Variants in PTPRG observed in about 807,000 individuals in gnomAD.
The protein encoded by PTPRG is receptor-type tyrosine-protein phosphatase gamma.
In PTPRG, 102 loss-of-function variants were observed where a neutral mutation model predicts 165.3. The observed-to-expected ratio is 0.62, with a 90% CI of 0.53 to 0.73. PTPRG has a LOEUF of 0.73. PTPRG is among the 30% of genes least tolerant of loss of function. The probability of loss-of-function intolerance (pLI) is 0.00; values close to 1 mark genes in which losing one functional copy is unlikely to be tolerated. For missense variants in PTPRG, 1,866 were observed against 1,861.4 expected, an observed-to-expected ratio of 1.00 and a Z score of -0.05; for synonymous variants, 675 against 669.5, an observed-to-expected ratio of 1.01 and a Z score of -0.13.
intron 2 of PTPRG, among the ~76,000 whole-genome samples, chr3:61,911,938 C>G (rs1249766843): frequency 6.6e-6 from 1 of 152,156 alleles, no homozygotes; most frequent in Non-Finnish European, 1.5e-5. Flanking sequence ...GCATTTCTTT[C>G]ACTCCTGGTA....
chr3:61,587,000 T>G lies in PTPRG; in HGVS notation c.85+24628T>G, dbSNP rs1700449606. 3.3e-5 allele frequency among the ~76,000 whole-genome samples: 5 copies of G among 152,288 alleles called. No individual in the cohort carries two copies. The South Asian group carries it at 1.0e-3, about 32-fold the overall frequency. On this transcript the variant is annotated intron_variant, in intron 1 of 29. Transcript: ENST00000474889. ...AACAGGGGAGTCTGTGATGGCCCAT[T>G]GCAGGGGCCACTGTTACGGGGGATG... is the stretch of plus-strand genomic sequence containing the variant.
At chr3:61,748,799 C>G in intron 1 of PTPRG, 79 bp from the exon 2 acceptor site, 1 of 1,135,656 alleles carries the variant, frequency 8.8e-7, no homozygotes, top group East Asian at 2.4e-5. Flanking sequence ...CGAAGTCACC[C>G]AATGGTGTTC....
chr3:61,945,062 C>T lies in PTPRG; in HGVS notation c.191-44563C>T, dbSNP rs757903817. ...TCTTTGTCGTCTTTTCTCCACTCTG[C>T]TCTTCTGTGAAATGTGCCAGCAGTG... On this transcript the variant is annotated intron_variant, in intron 2 of 29. Transcript: ENST00000474889. 4.6e-5 allele frequency among the ~76,000 whole-genome samples: 7 copies of T among 152,188 alleles called. No individual in the cohort carries two copies. The East Asian group carries it at 1.2e-3, about 25-fold the overall frequency.
rs1273519088 is a variant in PTPRG at position 62,245,574 on chromosome 3, GA to G, written c.2467+1679del. 6.6e-6 allele frequency among the ~76,000 whole-genome samples: 1 copy of G among 152,064 alleles called. No homozygotes were observed. Among genetic ancestry groups the G allele is most frequent in the Non-Finnish European group, 1.5e-5 (1 of 68,008 alleles). ...GAATCAGAAAACCTAGGTCCACCCT[GA>G]AATCTTTGTTCAGTGCCTTCACCTC... On this transcript the variant is annotated intron_variant, in intron 15 of 29. Coordinates refer to ENST00000474889, the MANE Select transcript of PTPRG (RefSeq NM_002841.4). The surrounding 1 kb of genome is among the most constrained non-coding windows in gnomAD (Gnocchi z 4.2).
At chr3:61,860,022 T>A (rs2037217209) in intron 2 of PTPRG, among the ~76,000 whole-genome samples, 1 of 152,224 alleles carries the variant, frequency 6.6e-6, no homozygotes, top group African/African-American at 2.4e-5. Context: ...TTATATTTCC[T>A]TTATAATTTA....
At chr3:61,675,195 T>G (rs1000261245) in intron 1 of PTPRG, among the ~76,000 whole-genome samples, 1 of 152,218 alleles carries the variant, frequency 6.6e-6, no homozygotes, top group African/African-American at 2.4e-5. Context: ...TATTTCCATA[T>G]ATCTCTAATT....
intron 10 of PTPRG, among the ~76,000 whole-genome samples, chr3:62,198,045 T>C (rs1161605305): frequency 6.6e-6 from 1 of 152,202 alleles, no homozygotes; most frequent in Admixed American, 6.5e-5. Context: ...TAATCTGGCT[T>C]GGGAGCATTA....
At chr3:62,149,733 C>CT (rs894196108) in intron 6 of PTPRG, among the ~76,000 whole-genome samples, 10 of 152,352 alleles carry the variant, frequency 6.6e-5, no homozygotes, top group Admixed American at 6.5e-4. Flanking sequence ...AGGTTACACA[C>CT]TACATTCATG....
chr3:61,925,300 T>G (rs1317878903), intron 2 of PTPRG, among the ~76,000 whole-genome samples: 1 of 152,250 alleles, frequency 6.6e-6, no homozygotes, highest in African/African-American at 2.4e-5. Context: ...GTGTGTTCCT[T>G]TGTCCTGATC....
rs575801194 is a variant in PTPRG, at chr3:61,920,934, A to T, written c.191-68691A>T. The stretch of plus-strand genomic sequence containing the variant: ...GGTATCTTAGATTTGGTGAAATATG[A>T]TGTTTTCCTTTGGTGTCTCCTATTC... On this transcript the variant is annotated intron_variant, in intron 2 of 29. Coordinates refer to ENST00000474889, the MANE Select transcript of PTPRG (RefSeq NM_002841.4). Among the ~76,000 whole-genome samples the T allele has an allele frequency of 3.9e-5, 6 of 152,324 alleles. No individual in the cohort carries two copies. The East Asian group carries it at 1.2e-3, about 29-fold the overall frequency.
At chr3:61,945,396 C>A (rs780862222) in intron 2 of PTPRG, among the ~76,000 whole-genome samples, 38 of 151,708 alleles carry the variant, frequency 2.5e-4, no homozygotes, top group Non-Finnish European at 4.3e-4. Flanking sequence ...CCTTTCTCTA[C>A]TGAAAATACA....
At chr3:61,831,337 A>G (rs747207613) in intron 2 of PTPRG, among the ~76,000 whole-genome samples, 5 of 152,234 alleles carry the variant, frequency 3.3e-5, no homozygotes, top group Non-Finnish European at 7.3e-5. Flanking sequence ...CAGTTAAGAA[A>G]GGAAGCAGTT....
intron 2 of PTPRG, among the ~76,000 whole-genome samples, chr3:61,921,888 A>G (rs905497363): frequency 1.3e-5 from 2 of 152,222 alleles, no homozygotes; most frequent in Non-Finnish European, 2.9e-5. Flanking sequence ...ATTGAGCTTT[A>G]TTAAACCATG....
At chr3:61,586,217 A>G (rs533653083) in intron 1 of PTPRG, among the ~76,000 whole-genome samples, 2 of 152,092 alleles carry the variant, frequency 1.3e-5, no homozygotes, top group Non-Finnish European at 2.9e-5. Context: ...TAGGAGTTGA[A>G]ACTTAAGGTC....
chr3:61,715,163 T>TTAAGGA (rs1162980842), intron 1 of PTPRG, among the ~76,000 whole-genome samples: 14 of 150,514 alleles, frequency 9.3e-5, no homozygotes, highest in Admixed American at 5.3e-4. Flanking sequence ...AATCATCTCC[T>TTAAGGA]GCTTGCTTTT....
intron 8 of PTPRG, among the ~76,000 whole-genome samples, chr3:62,177,379 G>A (rs1049231288): frequency 2.0e-5 from 3 of 152,118 alleles, no homozygotes; most frequent in Admixed American, 6.5e-5. Context: ...CAGGATCTTG[G>A]ATATGGAAAT....
chr3:61,784,677 A>T (rs1366733864), intron 2 of PTPRG, among the ~76,000 whole-genome samples: 4 of 152,216 alleles, frequency 2.6e-5, no homozygotes, highest in Admixed American at 2.6e-4. Context: ...AGTGATCATG[A>T]TCTATTTCTT....
chr3:62,074,174 AGT>A (rs1212024511), intron 4 of PTPRG, among the ~76,000 whole-genome samples: 1 of 91,312 alleles, frequency 1.1e-5, no homozygotes, highest in Non-Finnish European at 2.0e-5. Flanking sequence ...GAGGAAAAAA[AGT>A]GAGAGTGTGT....
intron 2 of PTPRG, among the ~76,000 whole-genome samples, chr3:61,989,113 G>A (rs1192876519): frequency 6.6e-6 from 1 of 152,130 alleles, no homozygotes; most frequent in African/African-American, 2.4e-5. Flanking sequence ...TTAGCCAAAG[G>A]AAAAACCTGC....
Sources: allele counts gnomAD v4.1 joint callset (sites outside exome capture counted in the v4.1 genomes callset), GRCh38; gene constraint gnomAD v4.1.1; non-coding constraint Gnocchi (gnomAD v3.1); transcripts MANE v1.5; gene names NCBI Gene and HGNC (gene_info 2026-07-23, HGNC 2026-07-21).